SLC25A51: variants seen among roughly 807,000 people sequenced by gnomAD.
SLC25A51 encodes mitochondrial nicotinamide adenine dinucleotide transporter SLC25A51.
In SLC25A51, 11 loss-of-function variants were observed where a neutral mutation model predicts 19.1. The observed-to-expected ratio is 0.58, with a 90% CI of 0.36 to 0.96. The LOEUF (loss-of-function observed/expected upper bound fraction) is 0.96, where lower values mean the gene tolerates loss of function less well. SLC25A51 is among the 40% of genes least tolerant of loss of function. SLC25A51 has a pLI of 0.01. For synonymous variants in SLC25A51, 105 were observed against 133.6 expected (o/e 0.79, Z 1.47); for missense variants, 201 against 365.4 (o/e 0.55, Z 3.67).
chr9:37,885,410 A>G (rs1831431363), downstream of SLC25A51, among the ~76,000 whole-genome samples: 1 of 145,230 alleles, frequency 6.9e-6, no homozygotes, highest in South Asian at 2.3e-4. Context: ...TATTTTGTTG[A>G]TGCTTAAGGA....
At chr9:37,880,690 C>A (rs1258986876) in exon 4 of SLC25A51, 1 of 152,252 alleles carries the variant, frequency 6.6e-6, no homozygotes, top group Non-Finnish European at 1.5e-5. Context: ...TCGGAGGTTG[C>A]GGTGAGCCGA....
downstream of SLC25A51, among the ~76,000 whole-genome samples, chr9:37,883,559 C>CAAA (rs1831388855): frequency 6.6e-6 from 1 of 152,184 alleles, no homozygotes; most frequent in South Asian, 2.1e-4. Context: ...GGAAGCCCAA[C>CAAA]AAAACCAAAG....
intron 2 of SLC25A51, among the ~76,000 whole-genome samples, chr9:37,893,877 G>A (rs992457757): frequency 2.6e-5 from 4 of 152,090 alleles, no homozygotes; most frequent in Non-Finnish European, 4.4e-5. Context: ...TGGCCTACTC[G>A]GGTCTCTTCT....
At chr9:37,878,058 CAG>C (rs1443979713), downstream of SLC25A51, 3 of 153,488 alleles carry the variant, frequency 2.0e-5, no homozygotes, top group African/African-American at 7.2e-5. Context: ...ATATTCACAA[CAG>C]AGATTTCTGC....
intron 2 of SLC25A51, among the ~76,000 whole-genome samples, chr9:37,890,930 GT>G (rs973388868): frequency 3.2e-4 from 48 of 152,144 alleles, no homozygotes; most frequent in Non-Finnish European, 5.7e-4. Flanking sequence ...AGTTCCTTAA[GT>G]TTTTTTTCCC....
intron 2 of SLC25A51, among the ~76,000 whole-genome samples, chr9:37,895,861 T>C (rs1190111809): frequency 1.3e-5 from 2 of 151,598 alleles, no homozygotes; most frequent in African/African-American, 4.9e-5. Context: ...TCATCTAGGA[T>C]AGAGCGCAGA....
downstream of SLC25A51, among the ~76,000 whole-genome samples, chr9:37,883,126 T>A (rs1207514653): frequency 6.6e-6 from 1 of 152,260 alleles, no homozygotes; most frequent in Non-Finnish European, 1.5e-5. Flanking sequence ...ATTACAGGCG[T>A]GAGCCACCGC....
intron 3 of SLC25A51, among the ~76,000 whole-genome samples, chr9:37,880,967 G>T (rs960946543): frequency 6.6e-6 from 1 of 152,048 alleles, no homozygotes; most frequent in Non-Finnish European, 1.5e-5. Context: ...AAATCTAAAT[G>T]TACAAGTTCA....
rs777100692 is a variant in SLC25A51 at position 37,887,649 on chromosome 9, T to C, written c.*8A>G. ...CAGTTGATAAATGGCACTTAACTGATGGTTTTTTCATATAACCTTTAACAA... is the reference window on the plus strand; with the variant it reads ...CAGTTGATAAATGGCACTTAACTGACGGTTTTTTCATATAACCTTTAACAA... On this transcript the variant is annotated 3_prime_UTR_variant, in exon 3 of 3. Transcript: ENST00000242275. 2.6e-5 allele frequency: 42 copies of C among 1,602,062 alleles called. No homozygotes were observed. The highest frequency in any genetic ancestry group is 1.7e-4 in the Middle Eastern group (1 of 5,998).
intron 2 of SLC25A51, among the ~76,000 whole-genome samples, chr9:37,892,043 TAAAG>T (rs966161400): frequency 6.6e-6 from 1 of 151,994 alleles, no homozygotes; most frequent in Admixed American, 6.6e-5. Context: ...TTATTAAAAA[TAAAG>T]AAGTGTTTAA....
At chr9:37,903,873 G>A (rs1831912541) in intron 1 of SLC25A51, 195 bp downstream of exon 1, 1 of 152,254 alleles carries the variant, frequency 6.6e-6, no homozygotes, top group Non-Finnish European at 1.5e-5. Context: ...GAGCCGAGGA[G>A]GCTCAGAACT....
chr9:37,888,382 G>A lies in SLC25A51; in HGVS notation c.169C>T (p.Arg57Ter). The change falls in exon 3 of 3, where the codon CGA (arginine) becomes TGA (stop). Residue 57 changes from arginine (R) to a stop codon, truncating the protein, a stop_gained. Transcript: ENST00000242275. LOFTEE classifies it high-confidence loss of function. ...ITFPIQKVLF[R>*]QQLYGIKTRD... is the part of the protein sequence containing the mutation. ...GTTTTGATGCCATACAGCTGTTGTC[G>A]AAAGAGGACCTTCTGAATGGGAAAT... 1 of 1,614,212 alleles carries A rather than the reference G, an allele frequency of 6.2e-7. No individual in the cohort carries two copies. The highest frequency in any genetic ancestry group is 8.5e-7 in the Non-Finnish European group (1 of 1,180,044).
chr9:37,878,508 A>G (rs577472709), downstream of SLC25A51: 6 of 192,170 alleles, frequency 3.1e-5, no homozygotes, highest in East Asian at 6.4e-4. Context: ...GATGATGCCA[A>G]TCATGACCCA....
downstream of SLC25A51, among the ~76,000 whole-genome samples, chr9:37,877,750 G>A (rs1831280105): frequency 6.6e-6 from 1 of 152,148 alleles, no homozygotes; most frequent in Admixed American, 6.5e-5. Context: ...GCTCATGCCT[G>A]TAATCCCAGC....
downstream of SLC25A51, among the ~76,000 whole-genome samples, chr9:37,883,410 T>G (rs991805755): frequency 3.2e-4 from 48 of 152,366 alleles, 2 homozygotes; most frequent in Admixed American, 2.8e-3. Flanking sequence ...AAATATTTAT[T>G]AATAATTGTT....
At chr9:37,902,863 C>T (rs1419485622) in intron 1 of SLC25A51, among the ~76,000 whole-genome samples, 3 of 152,132 alleles carry the variant, frequency 2.0e-5, no homozygotes, top group Non-Finnish European at 4.4e-5. Context: ...GATCCTAGCA[C>T]AAAGGTCTCT....
At chr9:37,880,031 T>G (rs1177738527) in exon 4 of SLC25A51, 1 of 152,310 alleles carries the variant, frequency 6.6e-6, no homozygotes, top group Non-Finnish European at 1.5e-5. Context: ...TTTAAAAAAT[T>G]ACTGATGGCC....
At chr9:37,880,886 A>G (rs1831336920) in intron 3 of SLC25A51, 1 of 152,252 alleles carries the variant, frequency 6.6e-6, no homozygotes, top group Non-Finnish European at 1.5e-5. Context: ...CTGGAGGTCT[A>G]GAACTCTACA....
chr9:37,887,005 T>G (rs922054808), downstream of SLC25A51, among the ~76,000 whole-genome samples: 1 of 120,658 alleles, frequency 8.3e-6, no homozygotes, highest in Non-Finnish European at 1.7e-5. Context: ...CTACTAAAAA[T>G]ACAAAAAAAA....
Sources: gnomAD v4.1 joint callset for allele counts (sites outside exome capture counted in the v4.1 genomes callset) on GRCh38, gnomAD v4.1.1 for gene constraint, MANE v1.5 for transcripts, NCBI Gene and HGNC (gene_info 2026-07-23, HGNC 2026-07-21) for gene names.